The following DSCAM variants were observed in gnomAD, a reference collection of about 807,000 sequenced individuals.
The protein encoded by DSCAM is DS cell adhesion molecule, also known as cell adhesion molecule DSCAM.
Under a neutral mutation model 217.7 loss-of-function variants are expected in DSCAM, and 47 were observed. That is an observed-to-expected ratio of 0.22 (90% CI 0.17 to 0.28). The LOEUF (loss-of-function observed/expected upper bound fraction) is 0.28. Ranked by LOEUF, DSCAM falls within the 10% of genes least tolerant of loss-of-function variation. DSCAM has a pLI of 1.00. For missense variants in DSCAM, 2,080 were observed against 2,618.3 expected, an observed-to-expected ratio of 0.79 and a Z score of 4.49; for synonymous variants, 1,056 against 1,015.3, an observed-to-expected ratio of 1.04 and a Z score of -0.76.
At chr21:40,130,807 C>T (rs1394521463) in intron 19 of DSCAM, among the ~76,000 whole-genome samples, 1 of 152,094 alleles carries the variant, frequency 6.6e-6, no homozygotes, top group Admixed American at 6.5e-5. Context: ...GCAAATAATC[C>T]CTTGCAAAAG....
At chr21:40,324,732 A>G (rs2074299874) in intron 8 of DSCAM, among the ~76,000 whole-genome samples, 1 of 152,236 alleles carries the variant, frequency 6.6e-6, no homozygotes, top group Admixed American at 6.5e-5. Flanking sequence ...ACCTTCATAC[A>G]GAAGACTGTA....
intron 20 of DSCAM, among the ~76,000 whole-genome samples, chr21:40,107,646 G>A (rs7280922): frequency 0.19 from 29,067 of 151,990 alleles, 3,296 homozygotes; most frequent in East Asian, 0.26. Context: ...AAGTCTCTTT[G>A]ATGGTCTCTA....
chr21:40,153,323 C>T (rs2146739853), intron 16 of DSCAM, among the ~76,000 whole-genome samples: 1 of 152,300 alleles, frequency 6.6e-6, no homozygotes, highest in African/African-American at 2.4e-5. Flanking sequence ...GAAGGTTTGC[C>T]CAGAGTACTA....
chr21:40,108,585 T>C (rs572625077), intron 20 of DSCAM, among the ~76,000 whole-genome samples: 4 of 152,306 alleles, frequency 2.6e-5, no homozygotes, highest in African/African-American at 9.6e-5. Flanking sequence ...CCCACGCAAC[T>C]TATAGATTCA....
intron 3 of DSCAM, chr21:40,385,379 G>A (rs1221240628): frequency 2.0e-5 from 3 of 152,140 alleles, no homozygotes; most frequent in Non-Finnish European, 4.4e-5. Context: ...GTTCAATGCT[G>A]TATTCCCAGT....
intron 3 of DSCAM, among the ~76,000 whole-genome samples, chr21:40,520,231 T>C (rs1198605136): frequency 6.6e-6 from 1 of 152,106 alleles, no homozygotes; most frequent in Non-Finnish European, 1.5e-5. Context: ...GTGGTATACT[T>C]ACTTGCTCTC....
Position 40,231,653 on chromosome 21 carries a change from C to T in DSCAM, c.2357-42415G>A, listed in dbSNP as rs60312696. On this transcript the variant is annotated intron_variant, in intron 11 of 32. Transcript: ENST00000400454. ...AAGTAGCTGGGGTTACAGGAGCACA[C>T]GACCATGCCCAGCTGACTGTTCTAT... 2.2e-3 allele frequency among the ~76,000 whole-genome samples: 333 copies of T among 151,336 alleles called. 1 individual carries two copies. Among genetic ancestry groups the T allele is most frequent in the African/African-American group, 7.9e-3 (326 of 41,244 alleles).
chr21:40,624,453 C>G (rs986105431), intron 3 of DSCAM, among the ~76,000 whole-genome samples: 16 of 152,108 alleles, frequency 1.1e-4, no homozygotes, highest in African/African-American at 3.9e-4. Flanking sequence ...CATGTTTTGG[C>G]CAGGCCCTTA....
intron 20 of DSCAM, among the ~76,000 whole-genome samples, chr21:40,123,137 G>A (rs1232900414): frequency 1.3e-5 from 2 of 152,162 alleles, no homozygotes; most frequent in African/African-American, 4.8e-5. Flanking sequence ...GCCATGGGCT[G>A]GTGGGAGGGA....
intron 3 of DSCAM, among the ~76,000 whole-genome samples, chr21:40,376,590 ATATC>A (rs1329280860): frequency 0.011 from 34 of 2,968 alleles, 2 homozygotes; most frequent in African/African-American, 0.039. Flanking sequence ...TATATATCTT[ATATC>A]GATATCTATA....
At chr21:40,082,187 G>A (rs2089471792) in intron 24 of DSCAM, among the ~76,000 whole-genome samples, 1 of 152,188 alleles carries the variant, frequency 6.6e-6, no homozygotes, top group Admixed American at 6.5e-5. Flanking sequence ...TAGGCCAGGT[G>A]TGGTGGCTCA....
intron 3 of DSCAM, among the ~76,000 whole-genome samples, chr21:40,564,519 C>T (rs567779157): frequency 1.3e-4 from 20 of 152,276 alleles, no homozygotes; most frequent in African/African-American, 4.3e-4. Context: ...TCTGGCCTTC[C>T]TTTGACCTGT....
intron 3 of DSCAM, chr21:40,385,331 T>C (rs1201707110): frequency 1.3e-5 from 2 of 152,230 alleles, no homozygotes; most frequent in Non-Finnish European, 2.9e-5. Context: ...ACCATGGCAA[T>C]AAAAGCTCCA....
At chr21:40,528,402 T>C (rs967949829) in intron 3 of DSCAM, among the ~76,000 whole-genome samples, 4 of 152,230 alleles carry the variant, frequency 2.6e-5, no homozygotes, top group Admixed American at 1.3e-4. Flanking sequence ...TATTTTGTTA[T>C]ACATTATTAT....
chr21:40,018,128 T>C (rs1008388877), intron 32 of DSCAM, among the ~76,000 whole-genome samples: 2 of 152,160 alleles, frequency 1.3e-5, no homozygotes, highest in African/African-American at 4.8e-5. Flanking sequence ...TAACCAGGGA[T>C]TATTTGCAAA....
chr21:40,734,043 A>T (rs2091038902), intron 1 of DSCAM, among the ~76,000 whole-genome samples: 1 of 152,184 alleles, frequency 6.6e-6, no homozygotes, highest in Non-Finnish European at 1.5e-5. Flanking sequence ...TAAACAGATG[A>T]TGGGCCCTAA....
intron 3 of DSCAM, among the ~76,000 whole-genome samples, chr21:40,424,609 C>T (rs553228913): frequency 6.6e-6 from 1 of 152,120 alleles, no homozygotes; most frequent in African/African-American, 2.4e-5. Flanking sequence ...CTATTGTGGT[C>T]ATATGTTATG....
rs73362124 is a variant in DSCAM at position 40,081,800 on chromosome 21, C to T, written c.4232-1460G>A. ...CGACACCTCCTGATGATGGCAATGG[C>T]TTTGGCCACTACTGTGTTTCAGGAA... On this transcript the variant is annotated intron_variant, in intron 24 of 32. Coordinates refer to ENST00000400454, the MANE Select transcript of DSCAM (RefSeq NM_001389.5). Among the ~76,000 whole-genome samples the T allele has an allele frequency of 7.2e-3, 1,089 of 152,292 alleles. 14 individuals carry two copies. Among genetic ancestry groups the T allele is most frequent in the African/African-American group, 0.024 (1,007 of 41,556 alleles).
At chr21:40,233,594 G>A (rs1400497815) in intron 11 of DSCAM, among the ~76,000 whole-genome samples, 1 of 152,028 alleles carries the variant, frequency 6.6e-6, no homozygotes, top group African/African-American at 2.4e-5. Flanking sequence ...CCACCTTTCT[G>A]TCCTTCTCCT....
Sources: allele counts gnomAD v4.1 joint callset (sites outside exome capture counted in the v4.1 genomes callset), GRCh38; gene constraint gnomAD v4.1.1; transcripts MANE v1.5; gene names NCBI Gene and HGNC (gene_info 2026-07-23, HGNC 2026-07-21).